Variants in IL1R1 observed in about 807,000 individuals in gnomAD.
IL1R1 encodes the protein interleukin 1 receptor type 1, also known as interleukin-1 receptor type 1.
IL1R1 carries 22 observed loss-of-function variants against 50.2 expected under a neutral mutation model. The ratio of observed to expected loss-of-function variants is 0.44; its 90% CI spans 0.31 to 0.63. IL1R1 has a LOEUF of 0.63. IL1R1 is among the 20% of genes least tolerant of loss of function. IL1R1 has a pLI of 0.07. For missense variants in IL1R1, 509 were observed against 676.2 expected, an observed-to-expected ratio of 0.75 and a Z score of 2.74; for synonymous variants, 251 against 236.7, an observed-to-expected ratio of 1.06 and a Z score of -0.55.
chr2:102,175,649 T>A lies in IL1R1; in HGVS notation c.1303+4T>A. ...AGGGATGACTACGTTGGGGAAGGTATGTGTGTAATGGAACAGAGTAAAGGC... is the reference window on the plus strand; with the variant it reads ...AGGGATGACTACGTTGGGGAAGGTAAGTGTGTAATGGAACAGAGTAAAGGC... On this transcript the variant is annotated splice_donor_region_variant and intron_variant, in intron 11 of 11. Transcript: ENST00000410023. 2.5e-6 allele frequency: 4 copies of A among 1,613,132 alleles called. No homozygotes were observed. Among genetic ancestry groups the A allele is most frequent in the Middle Eastern group, 1.7e-4 (1 of 6,060 alleles).
At chr2:102,101,583 A>G (rs577177821), upstream of IL1R1, among the ~76,000 whole-genome samples, 1 of 152,232 alleles carries the variant, frequency 6.6e-6, no homozygotes, top group Non-Finnish European at 1.5e-5. Context: ...TGGGAGGTAT[A>G]AGAAACACAT....
chr2:102,086,500 C>T (rs1410510774), intron 1 of IL1R1, among the ~76,000 whole-genome samples: 1 of 151,878 alleles, frequency 6.6e-6, no homozygotes, highest in Non-Finnish European at 1.5e-5. Flanking sequence ...AGTTGTCAGT[C>T]ATTATTACTT....
chr2:102,102,042 A>G (rs761757349), upstream of IL1R1, among the ~76,000 whole-genome samples: 12 of 152,158 alleles, frequency 7.9e-5, no homozygotes, highest in Non-Finnish European at 1.8e-4. Context: ...AGATTCCTCC[A>G]ATTTTTCTCC....
chr2:102,161,070 G>T (rs1006833767), intron 3 of IL1R1, among the ~76,000 whole-genome samples: 3 of 152,054 alleles, frequency 2.0e-5, no homozygotes, highest in African/African-American at 7.3e-5. Context: ...AAATATATAG[G>T]CATTTAAGGC....
At chr2:102,149,710 A>T (rs972179389) in intron 1 of IL1R1, among the ~76,000 whole-genome samples, 12 of 152,096 alleles carry the variant, frequency 7.9e-5, no homozygotes, top group Admixed American at 4.6e-4. Flanking sequence ...AGGGCTGTAC[A>T]GAGGGGGATA....
At chr2:102,171,778 G>T in intron 7 of IL1R1, 23 bp from the exon 8 acceptor site, 1 of 1,362,718 alleles carries the variant, frequency 7.3e-7, no homozygotes, top group East Asian at 2.3e-5. Context: ...TTAATGTTAA[G>T]ATTAAAAATA....
intron 1 of IL1R1, among the ~76,000 whole-genome samples, chr2:102,126,254 G>T (rs1275895650): frequency 6.6e-6 from 1 of 152,112 alleles, no homozygotes; most frequent in Non-Finnish European, 1.5e-5. Flanking sequence ...AGACAGAAAG[G>T]AGTTGTCAGA....
intron 1 of IL1R1, among the ~76,000 whole-genome samples, chr2:102,136,764 T>C (rs1240903219): frequency 6.6e-6 from 1 of 152,060 alleles, no homozygotes; most frequent in South Asian, 2.1e-4. Flanking sequence ...AGAGGAATGG[T>C]TGGGTGTGAA....
intron 1 of IL1R1, among the ~76,000 whole-genome samples, chr2:102,099,242 T>A (rs1032882732): frequency 5.9e-5 from 9 of 152,284 alleles, no homozygotes; most frequent in African/African-American, 9.6e-5. Flanking sequence ...GCCCTGTTTA[T>A]AACATTGATT....
chr2:102,104,450 G>T (rs1261364585), upstream of IL1R1: 5 of 152,396 alleles, frequency 3.3e-5, no homozygotes, highest in African/African-American at 1.2e-4. Context: ...AACTTTAGAG[G>T]TTACCGTGCA....
upstream of IL1R1, among the ~76,000 whole-genome samples, chr2:102,100,014 G>A (rs1434241698): frequency 1.3e-5 from 2 of 152,102 alleles, no homozygotes; most frequent in Non-Finnish European, 2.9e-5. Context: ...TTCTGCTGTA[G>A]AAACCTGTTC....
In IL1R1 at chr2:102,073,327, TAA is replaced by T. The variant is rs200799520; in HGVS notation, c.-84+2796_-84+2797del. On this transcript the variant is annotated intron_variant, in intron 1 of 11. Transcript: ENST00000409929. The stretch of plus-strand genomic sequence containing the variant: ...GGGAGATGGATAATAGGTGAACAAA[TAA>T]ACAAACAAACTCATCTGGCACCAAA... Among the ~76,000 whole-genome samples, 624 of 152,150 alleles carry T rather than the reference TAA, an allele frequency of 4.1e-3. 6 individuals carry two copies. The highest frequency in any genetic ancestry group is 0.015 in the African/African-American group (603 of 41,512).
chr2:102,087,650 G>A (rs577164417), intron 1 of IL1R1, among the ~76,000 whole-genome samples: 54 of 152,230 alleles, frequency 3.5e-4, no homozygotes, highest in African/African-American at 1.3e-3. Context: ...GGTGTGGCAT[G>A]TTCCCCCTTG....
chr2:102,166,419 GTT>G (rs1685188285), intron 6 of IL1R1, 138 bp downstream of exon 6: 1 of 575,862 alleles, frequency 1.7e-6, no homozygotes, highest in Non-Finnish European at 2.9e-6. Context: ...CATGGCTTTA[GTT>G]TTGTTTTTTT....
chr2:102,076,874 T>C (rs1452575225), intron 1 of IL1R1, among the ~76,000 whole-genome samples: 1 of 151,996 alleles, frequency 6.6e-6, no homozygotes, highest in Non-Finnish European at 1.5e-5. Flanking sequence ...TTTATTCAAA[T>C]TTTTTTTCTA....
At chr2:102,127,882 A>G (rs183320062) in intron 1 of IL1R1, among the ~76,000 whole-genome samples, 4 of 152,306 alleles carry the variant, frequency 2.6e-5, no homozygotes, top group African/African-American at 9.6e-5. Flanking sequence ...GAGAAACAAA[A>G]CCACTTTCAC....
chr2:102,076,007 A>G (rs189900670), intron 1 of IL1R1, among the ~76,000 whole-genome samples: 3 of 151,908 alleles, frequency 2.0e-5, no homozygotes, highest in South Asian at 2.1e-4. Context: ...TAACGCTTTC[A>G]TTTCTCCCTT....
At chr2:102,154,829 G>A (rs2104513485) in intron 2 of IL1R1, among the ~76,000 whole-genome samples, 1 of 152,298 alleles carries the variant, frequency 6.6e-6, no homozygotes, top group South Asian at 2.1e-4. Context: ...GCATGTTGTG[G>A]GAACTTATGG....
intron 1 of IL1R1, among the ~76,000 whole-genome samples, chr2:102,105,605 C>T (rs1417473121): frequency 6.6e-6 from 1 of 152,176 alleles, no homozygotes; most frequent in African/African-American, 2.4e-5. Flanking sequence ...ACCTCGTGAT[C>T]CACCTGCCTG....
Sources: allele counts gnomAD v4.1 joint callset (sites outside exome capture counted in the v4.1 genomes callset), GRCh38; gene constraint gnomAD v4.1.1; transcripts MANE v1.5; gene names NCBI Gene and HGNC (gene_info 2026-07-23, HGNC 2026-07-21).